Variants in PLEKHA7 observed in about 807,000 individuals in gnomAD.
PLEKHA7 encodes the protein pleckstrin homology domain-containing family A member 7.
In PLEKHA7, 104 loss-of-function variants were observed where a neutral mutation model predicts 170.0. That is an observed-to-expected ratio of 0.61 (90% CI 0.52 to 0.72). The LOEUF (loss-of-function observed/expected upper bound fraction) is 0.72. Ranked by LOEUF, PLEKHA7 falls within the 30% of genes least tolerant of loss-of-function variation. The pLI is 0.00. For synonymous variants in PLEKHA7, 648 were observed against 660.8 expected (o/e 0.98, Z 0.30); for missense variants, 1,615 against 1,671.7 (o/e 0.97, Z 0.59).
chr11:16,907,388 T>G (rs1270796537), intron 3 of PLEKHA7, among the ~76,000 whole-genome samples: 190 of 79,368 alleles, frequency 2.4e-3, no homozygotes, highest in Admixed American at 3.2e-3. Flanking sequence ...AGGGAGGTGG[T>G]GGGGTCAGCC....
intron 4 of PLEKHA7, among the ~76,000 whole-genome samples, chr11:16,857,907 C>A (rs1853605847): frequency 6.6e-6 from 1 of 152,202 alleles, no homozygotes; most frequent in African/African-American, 2.4e-5. Flanking sequence ...TTAGCAGAGA[C>A]AGGGTTTCAC....
chr11:16,832,710 C>G (rs140115864), intron 9 of PLEKHA7, among the ~76,000 whole-genome samples: 152 of 152,290 alleles, frequency 1.0e-3, no homozygotes, highest in Non-Finnish European at 1.1e-3. Flanking sequence ...CACAGCCTTT[C>G]TGTTGTAATC....
intron 3 of PLEKHA7, among the ~76,000 whole-genome samples, chr11:17,013,767 C>T (rs6486344): frequency 0.63 from 96,455 of 151,960 alleles, 31,256 homozygotes; most frequent in East Asian, 0.96. Flanking sequence ...CGGCCTCTTC[C>T]CCCCCGGCCC....
chr11:16,815,782 G>A (rs1162538848), intron 12 of PLEKHA7, among the ~76,000 whole-genome samples: 3 of 152,122 alleles, frequency 2.0e-5, no homozygotes, highest in African/African-American at 7.2e-5. Context: ...TCCCAAAGTG[G>A]TAGGATTACA....
chr11:16,787,015 CAT>C (rs1241320160), intron 23 of PLEKHA7: 1 of 984,878 alleles, frequency 1.0e-6, no homozygotes, highest in Non-Finnish European at 1.2e-6. Flanking sequence ...AAAACTAAAT[CAT>C]ATAAAATTGA....
chr11:16,969,767 C>T (rs902717039), intron 3 of PLEKHA7, among the ~76,000 whole-genome samples: 58 of 152,302 alleles, frequency 3.8e-4, no homozygotes, highest in African/African-American at 1.3e-3. Flanking sequence ...CCCCAAAATG[C>T]CCTTTGAGCA....
intron 26 of PLEKHA7, chr11:16,781,152 G>T: frequency 3.0e-6 from 1 of 337,228 alleles, no homozygotes; most frequent in Non-Finnish European, 4.2e-6. Flanking sequence ...CATGGGCCCT[G>T]CTGCCCACCA....
At chr11:16,872,972 C>T (rs1259304851) in intron 3 of PLEKHA7, among the ~76,000 whole-genome samples, 2 of 151,998 alleles carry the variant, frequency 1.3e-5, no homozygotes, top group African/African-American at 4.8e-5. Flanking sequence ...ATTTTAGGTG[C>T]CTCCCCCCCA....
rs1369048007 is a variant in PLEKHA7 at position 16,790,902 on chromosome 11, G to A, written c.2948C>T (p.Ser983Leu). 7.4e-6 allele frequency: 12 copies of A among 1,613,112 alleles called. No homozygotes were observed. Among genetic ancestry groups the A allele is most frequent in the Middle Eastern group, 1.6e-4 (1 of 6,082 alleles). Residue 983 changes from serine to leucine, a missense_variant, in exon 21 of 27, where the codon TCG (serine) becomes TTG (leucine). Transcript: ENST00000531066. ...CGCCAGCTCAGGCTCACTGACATACGACCGCAGCTCCACCTGTGGGCAGAG... is the reference window on the plus strand; with the variant it reads ...CGCCAGCTCAGGCTCACTGACATACAACCGCAGCTCCACCTGTGGGCAGAG... ...VNGDSRVELR[S>L]YVSEPELATL...
At position 16,789,351 on chromosome 11, in the gene PLEKHA7, G is replaced by A; in HGVS notation, c.3157-55C>T. On this transcript the variant is annotated intron_variant, in intron 22 of 26. Coordinates refer to ENST00000531066, the MANE Select transcript of PLEKHA7 (RefSeq NM_001329630.2). This position sits in a 1 kb window ranked among gnomAD's most constrained non-coding sequence, Gnocchi z 4.6. ...ACAGAACAGCTGGGCTGGGCACGCA[G>A]AGGACAGCCACCCTGCTGGCTGCAT... 1 of 1,544,398 alleles carries A rather than the reference G, an allele frequency of 6.5e-7. No homozygotes were observed. The highest frequency in any genetic ancestry group is 8.9e-7 in the Non-Finnish European group (1 of 1,123,968).
chr11:16,811,932 C>T lies in PLEKHA7; in HGVS notation c.2007+1181G>A, dbSNP rs139964647. Reference sequence around the variant, plus strand: ...ACCCCTGGCTCTTCAAAGCTTCAAACACATGCCACCTCCTCCCAGAAGCCT... The same window carrying T: ...ACCCCTGGCTCTTCAAAGCTTCAAATACATGCCACCTCCTCCCAGAAGCCT... On this transcript the variant is annotated intron_variant, in intron 13 of 26. Coordinates refer to ENST00000531066, the MANE Select transcript of PLEKHA7 (RefSeq NM_001329630.2). 2.2e-3 allele frequency among the ~76,000 whole-genome samples: 329 copies of T among 152,292 alleles called. 1 individual carries two copies. The highest frequency in any genetic ancestry group is 0.01 in the Middle Eastern group (3 of 294).
At chr11:16,787,239 T>C in intron 23 of PLEKHA7, 1 of 985,384 alleles carries the variant, frequency 1.0e-6, no homozygotes, top group Non-Finnish European at 1.2e-6. Context: ...TCTCTTCCCC[T>C]GAGCAAAACC....
intron 4 of PLEKHA7, among the ~76,000 whole-genome samples, chr11:16,857,311 G>C (rs1227839743): frequency 1.3e-5 from 2 of 152,212 alleles, no homozygotes; most frequent in Non-Finnish European, 2.9e-5. Flanking sequence ...GGCAGCAGGA[G>C]ATGCAAGTCC....
chr11:16,996,721 G>C (rs1204312987), intron 3 of PLEKHA7, among the ~76,000 whole-genome samples: 2 of 152,154 alleles, frequency 1.3e-5, no homozygotes, highest in Non-Finnish European at 2.9e-5. Flanking sequence ...CGGATCACGA[G>C]GTCACGAGAT....
At chr11:16,862,945 G>C (rs1854087379) in intron 4 of PLEKHA7, among the ~76,000 whole-genome samples, 1 of 104,836 alleles carries the variant, frequency 9.5e-6, no homozygotes, top group South Asian at 3.5e-4. Flanking sequence ...CAAGGTGCTG[G>C]CTATGTCAGC....
intron 3 of PLEKHA7, among the ~76,000 whole-genome samples, chr11:16,979,244 G>T (rs1863262561): frequency 6.6e-6 from 1 of 152,128 alleles, no homozygotes; most frequent in Admixed American, 6.5e-5. Flanking sequence ...TGGCCAGGCT[G>T]GTCTCGAACT....
intron 4 of PLEKHA7, among the ~76,000 whole-genome samples, chr11:16,863,477 G>A (rs424921): frequency 0.77 from 116,533 of 152,020 alleles, 47,036 homozygotes; most frequent in East Asian, 0.91. Flanking sequence ...CTTGCAGCTG[G>A]CGTCTCAGCA....
chr11:16,928,066 A>G (rs994505529), intron 3 of PLEKHA7, among the ~76,000 whole-genome samples: 1 of 152,210 alleles, frequency 6.6e-6, no homozygotes, highest in Non-Finnish European at 1.5e-5. Flanking sequence ...AGAACCTACT[A>G]TCTGAGGTAA....
In PLEKHA7 at chr11:16,813,100, T is replaced by TG. The variant is rs1304957379; in HGVS notation, c.2007+12dup. Reference sequence around the variant, plus strand: ...GAGTATGCAAGGAAGGCAGGAACCCTGATGTCACTTACCTTTAGATCCAGG... The same window carrying TG: ...GAGTATGCAAGGAAGGCAGGAACCCTGGATGTCACTTACCTTTAGATCCAGG... On this transcript the variant is annotated intron_variant, in intron 13 of 26. Coordinates refer to ENST00000531066, the MANE Select transcript of PLEKHA7 (RefSeq NM_001329630.2). 1.4e-5 allele frequency: 22 copies of TG among 1,611,314 alleles called. No homozygotes were observed. The highest frequency in any genetic ancestry group is 1.9e-5 in the Non-Finnish European group (22 of 1,177,652).
Sources: allele counts gnomAD v4.1 joint callset (sites outside exome capture counted in the v4.1 genomes callset), GRCh38; gene constraint gnomAD v4.1.1; non-coding constraint Gnocchi (gnomAD v3.1); transcripts MANE v1.5; gene names NCBI Gene and HGNC (gene_info 2026-07-23, HGNC 2026-07-21).